RTCA: variants seen among roughly 807,000 people sequenced by gnomAD.
RTCA encodes the protein RNA 3'-terminal phosphate cyclase.
Under a neutral mutation model 46.1 loss-of-function variants are expected in RTCA, and 37 were observed. The ratio of observed to expected loss-of-function variants is 0.80; its 90% confidence interval spans 0.62 to 1.06. The LOEUF (loss-of-function observed/expected upper bound fraction) is 1.06. Ranked by LOEUF, RTCA falls within the 50% of genes least tolerant of loss-of-function variation. The pLI is 0.00. For missense variants in RTCA, 435 were observed against 455.5 expected, an observed-to-expected ratio of 0.95 and a Z score of 0.41; for synonymous variants, 164 against 158.3, an observed-to-expected ratio of 1.04 and a Z score of -0.27.
intron 5 of RTCA, among the ~76,000 whole-genome samples, chr1:100,274,337 A>T (rs1036479434): frequency 7.9e-5 from 12 of 152,354 alleles, no homozygotes; most frequent in African/African-American, 2.9e-4. Flanking sequence ...GTGTTTTGCT[A>T]CTTAAATATT....
chr1:100,286,179 G>A (rs929434094), intron 9 of RTCA, among the ~76,000 whole-genome samples: 5 of 152,016 alleles, frequency 3.3e-5, no homozygotes, highest in South Asian at 2.1e-4. Flanking sequence ...GTTGCATGGC[G>A]CGGTGGCTCA....
At chr1:100,275,782 A>T in intron 7 of RTCA, 59 bp downstream of exon 7, 3 of 1,420,796 alleles carry the variant, frequency 2.1e-6, no homozygotes, top group Non-Finnish European at 2.9e-6. Flanking sequence ...TATCTAATTA[A>T]ATTAAAGATT....
chr1:100,284,289 C>T (rs1445778356), intron 8 of RTCA, among the ~76,000 whole-genome samples: 1 of 151,884 alleles, frequency 6.6e-6, no homozygotes, highest in Non-Finnish European at 1.5e-5. Flanking sequence ...TAAGCGAATA[C>T]CTGTTCAAAT....
At chr1:100,281,047 T>C (rs971861589) in intron 8 of RTCA, among the ~76,000 whole-genome samples, 1 of 152,094 alleles carries the variant, frequency 6.6e-6, no homozygotes, top group African/African-American at 2.4e-5. Flanking sequence ...TGAATCCTAA[T>C]TTCTTAGGGT....
intron 8 of RTCA, among the ~76,000 whole-genome samples, chr1:100,282,192 A>G (rs1262538826): frequency 1.3e-5 from 2 of 152,232 alleles, no homozygotes; most frequent in African/African-American, 4.8e-5. Flanking sequence ...TTCAGTTGCT[A>G]CAGACTGCTA....
At chr1:100,267,607 T>C in intron 2 of RTCA, 1 of 1,478,078 alleles carries the variant, frequency 6.8e-7, no homozygotes, top group Non-Finnish European at 9.1e-7. Context: ...CTTCACATGG[T>C]GGTTCCTCTG....
At position 100,266,264 on chromosome 1, in the gene RTCA, G is replaced by GAA. The variant is rs1553235236; in HGVS notation, c.-112_-111insAA. 4.5e-6 allele frequency: 6 copies of GAA among 1,339,892 alleles called. No individual in the cohort carries two copies. The African/African-American group carries it at 9.0e-5, about 20-fold the overall frequency. 83.0% of individuals were successfully genotyped at this position (1,339,892 alleles called of 1,614,324 possible). A position where few individuals can be genotyped will look rare whatever the true frequency, so the allele number is the denominator to read the frequency against. ...TTCCGCTTTCTCGTCAGGCTCCTGC[G>GAA]CCCCAGGCATGAACCAAGGTTTCTG... is the stretch of plus-strand genomic sequence containing the variant. On this transcript the variant is annotated 5_prime_UTR_variant, in exon 1 of 11. Coordinates refer to ENST00000370128, the MANE Select transcript of RTCA (RefSeq NM_003729.4).
intron 2 of RTCA, among the ~76,000 whole-genome samples, chr1:100,267,807 C>A (rs532639435): frequency 8.5e-5 from 13 of 152,284 alleles, no homozygotes; most frequent in African/African-American, 2.9e-4. Context: ...CATAGTTCAG[C>A]CCATACAGGC....
Position 100,266,427 on chromosome 1 carries a change from A to G in RTCA, c.45+7A>G, listed in dbSNP as rs2100784601. The G allele has an allele frequency of 6.2e-7, 1 of 1,611,536 alleles. No individual in the cohort carries two copies. The highest frequency in any genetic ancestry group is 8.5e-7 in the Non-Finnish European group (1 of 1,178,266). On this transcript the variant is annotated splice_region_variant and intron_variant, in intron 1 of 10. Coordinates refer to ENST00000370128, the MANE Select transcript of RTCA (RefSeq NM_003729.4). ...TGGCAGCATCATGGAAGGGGTGAGT[A>G]CAGAGCGAAGCGGCCGGGGCTGCAG... is the stretch of plus-strand genomic sequence containing the variant.
chr1:100,291,117 A>T (rs112806461), intron 10 of RTCA, among the ~76,000 whole-genome samples: 1 of 152,210 alleles, frequency 6.6e-6, no homozygotes, highest in Non-Finnish European at 1.5e-5. Flanking sequence ...CCTAAGCTGT[A>T]CATCTGAGCT....
rs1553235236 is a variant in RTCA, at chr1:100,266,264, G to GTAA, written c.-112_-111insTAA. The stretch of plus-strand genomic sequence containing the variant: ...TTCCGCTTTCTCGTCAGGCTCCTGC[G>GTAA]CCCCAGGCATGAACCAAGGTTTCTG... On this transcript the variant is annotated 5_prime_UTR_variant, in exon 1 of 11. Transcript: ENST00000370128. The GTAA allele has an allele frequency of 3.7e-6, 5 of 1,340,962 alleles. No homozygotes were observed. In the African/African-American group the frequency reaches 7.5e-5, roughly 20 times the overall value. The allele number at this position is 1,340,962 out of a possible 1,614,324, so 83.1% of individuals were successfully genotyped here.
At chr1:100,283,934 AG>A (rs57095210) in intron 8 of RTCA, among the ~76,000 whole-genome samples, 74,306 of 106,974 alleles carry the variant, frequency 0.69, 27,786 homozygotes, top group East Asian at 0.89. Context: ...AAAAAAAAAA[AG>A]AAAAAAAAAA....
intron 5 of RTCA, 46 bp downstream of exon 5, chr1:100,273,498 G>C: frequency 8.1e-7 from 1 of 1,230,852 alleles, no homozygotes; most frequent in Admixed American, 2.4e-5. Context: ...ACTTACGCTA[G>C]AAGTAGTGGA....
At chr1:100,281,201 T>A (rs1314722074) in intron 8 of RTCA, 1 of 531,368 alleles carries the variant, frequency 1.9e-6, no homozygotes. Flanking sequence ...GCAAGAAGAT[T>A]AGCCTGGAGA....
Position 100,266,561 on chromosome 1 carries a change from G to C in RTCA, c.83G>C (p.Cys28Ser), listed in dbSNP as rs565404537. ...CTGAGAGTCTCTACGGCCTTGAGCT[G>C]TCTCCTAGGCCTCCCCTTGCGGGTG... ...QILRVSTALS[C>S]LLGLPLRVQK... The change falls in exon 2 of 11, where the codon TGT (cysteine) becomes TCT (serine). Residue 28 changes from cysteine (C) to serine (S), a missense_variant. By Grantham distance (112) the Cys-to-Ser change is moderately radical. Coordinates refer to ENST00000370128, the MANE Select transcript of RTCA (RefSeq NM_003729.4). 6 of 1,614,010 alleles carry C rather than the reference G, an allele frequency of 3.7e-6. No individual in the cohort carries two copies. In the East Asian group the frequency reaches 1.3e-4, roughly 36 times the overall value.
At chr1:100,275,982 C>T (rs1318098065) in intron 7 of RTCA, among the ~76,000 whole-genome samples, 1 of 151,616 alleles carries the variant, frequency 6.6e-6, no homozygotes, top group Non-Finnish European at 1.5e-5. Context: ...ACTACAGGCG[C>T]CCACCACCAC....
At position 100,266,341 on chromosome 1, in the gene RTCA, T is replaced by G; in HGVS notation, c.-35T>G. 6.2e-7 allele frequency: 1 copy of G among 1,601,766 alleles called. No individual in the cohort carries two copies. Among genetic ancestry groups the G allele is most frequent in the East Asian group, 2.2e-5 (1 of 44,696 alleles). ...TTCTTTCTCCCGCTCTGGCGGAGGC[T>G]TTGTCGCTGCGGGCTGGGCCCCAGG... is the stretch of plus-strand genomic sequence containing the variant. On this transcript the variant is annotated 5_prime_UTR_variant, in exon 1 of 11. Transcript: ENST00000370128.
chr1:100,271,224 A>C (rs941163088), intron 4 of RTCA, among the ~76,000 whole-genome samples: 18 of 152,006 alleles, frequency 1.2e-4, no homozygotes, highest in Non-Finnish European at 2.4e-4. Flanking sequence ...TAGGCAGATC[A>C]CTTGAGCTTA....
intron 10 of RTCA, among the ~76,000 whole-genome samples, chr1:100,290,914 C>T (rs1271298555): frequency 6.6e-6 from 1 of 152,138 alleles, no homozygotes; most frequent in Non-Finnish European, 1.5e-5. Context: ...CCCTCCTCCC[C>T]ACATACCTTC....
Sources: allele counts gnomAD v4.1 joint callset (sites outside exome capture counted in the v4.1 genomes callset), GRCh38; gene constraint gnomAD v4.1.1; transcripts MANE v1.5; gene names NCBI Gene and HGNC (gene_info 2026-07-23, HGNC 2026-07-21).